ZNF839: variants seen among roughly 807,000 people sequenced by gnomAD.
ZNF839 encodes zinc finger protein 839, also known as renal carcinoma antigen NY-REN-50.
In ZNF839, 38 loss-of-function variants were observed where a neutral mutation model predicts 56.4. The ratio of observed to expected loss-of-function variants is 0.67; its 90% CI spans 0.52 to 0.88. ZNF839 has a LOEUF of 0.88. ZNF839 is among the 40% of genes least tolerant of loss of function. The pLI is 0.00. For missense variants in ZNF839, 1,091 were observed against 1,177.6 expected (o/e 0.93, Z 1.08); for synonymous variants, 486 against 493.5 (o/e 0.98, Z 0.20).
At chr14:102,322,523 G>A (rs2073184622) in intron 1 of ZNF839, among the ~76,000 whole-genome samples, 1 of 152,192 alleles carries the variant, frequency 6.6e-6, no homozygotes, top group African/African-American at 2.4e-5. Context: ...TTGCCGCTGT[G>A]GTTATCCTCA....
chr14:102,328,375 A>AAAAAAAT (rs1197718891), intron 2 of ZNF839, among the ~76,000 whole-genome samples: 2 of 16,326 alleles, frequency 1.2e-4, no homozygotes, highest in Non-Finnish European at 2.7e-4. Flanking sequence ...AAAAAAAAAA[A>AAAAAAAT]ATATATATAT....
chr14:102,335,356 C>T, intron 4 of ZNF839: 4 of 238,686 alleles, frequency 1.7e-5, no homozygotes, highest in Non-Finnish European at 3.2e-5. Flanking sequence ...GCCCAGGCTG[C>T]CTGTGCCCCA....
intron 2 of ZNF839, among the ~76,000 whole-genome samples, chr14:102,327,139 C>T (rs1413043473): frequency 6.6e-6 from 1 of 151,772 alleles, no homozygotes; most frequent in African/African-American, 2.4e-5. Context: ...GGAGGTACCA[C>T]ACACTCATTT....
intron 4 of ZNF839, 196 bp from the exon 5 acceptor site, chr14:102,335,493 C>T (rs1181479593): frequency 3.5e-6 from 2 of 564,358 alleles, no homozygotes; most frequent in East Asian, 6.3e-5. Flanking sequence ...TCTTGGCCTG[C>T]TCCTCCCATG....
intron 1 of ZNF839, among the ~76,000 whole-genome samples, chr14:102,321,284 C>T (rs940332566): frequency 6.6e-6 from 1 of 152,210 alleles, no homozygotes; most frequent in East Asian, 1.9e-4. Flanking sequence ...TGTTTTTGTA[C>T]CGGCATTTTG....
At position 102,341,982 on chromosome 14, in the gene ZNF839, G is replaced by T. The variant is rs746898107; in HGVS notation, c.2587G>T (p.Val863Leu). The stretch of plus-strand genomic sequence containing the variant: ...CTCTGGCCAGAGAGAACTGGAGAGC[G>T]TGGTTGCTGTCGGCGAAGCCATGGC... ...VHSGQRELES[V>L]VAVGEAMAFE... The change falls in exon 8 of 8, where the codon GTG becomes TTG. Residue 863 changes from valine (V) to leucine (L), a missense_variant. By Grantham distance (32) the Val-to-Leu change is conservative. Coordinates refer to ENST00000442396, the MANE Select transcript of ZNF839 (RefSeq NM_018335.6). 2 of 1,614,038 alleles carry T rather than the reference G, an allele frequency of 1.2e-6. No homozygotes were observed. Among genetic ancestry groups the T allele is most frequent in the Non-Finnish European group, 1.7e-6 (2 of 1,179,882 alleles).
Position 102,334,546 on chromosome 14 carries a change from C to T in ZNF839, c.1417-8C>T, listed in dbSNP as rs1048796042. On this transcript the variant is annotated splice_region_variant and splice_polypyrimidine_tract_variant and intron_variant, in intron 3 of 7. Transcript: ENST00000442396. ...CATTCAAAGGCATGAAATGCTTTCC[C>T]TTGGTAGTTCCTCCAGCAGTGTGAC... 3.1e-6 allele frequency: 5 copies of T among 1,603,892 alleles called. No individual in the cohort carries two copies. In the African/African-American group the frequency reaches 5.3e-5, roughly 17 times the overall value.
chr14:102,321,461 CTT>C lies in ZNF839; in HGVS notation c.288+1409_288+1410del, dbSNP rs549125607. On this transcript the variant is annotated intron_variant, in intron 1 of 7. Transcript: ENST00000442396. The stretch of plus-strand genomic sequence containing the variant: ...ATATTTTTCGTAAAGCAAAAGCAAA[CTT>C]ATTCGAGCTTAGGCAGCATGATGGG... 2.1e-3 allele frequency among the ~76,000 whole-genome samples: 327 copies of C among 152,308 alleles called. 2 individuals carry two copies. The highest frequency in any genetic ancestry group is 3.5e-4 in the Non-Finnish European group (24 of 68,028).
intron 3 of ZNF839, among the ~76,000 whole-genome samples, chr14:102,333,261 C>CTTTT (rs58231229): frequency 8.0e-6 from 1 of 125,346 alleles, no homozygotes. Flanking sequence ...AAATGCCAAT[C>CTTTT]TTTTTTTTTT....
intron 3 of ZNF839, among the ~76,000 whole-genome samples, chr14:102,333,815 A>C (rs1171507138): frequency 6.6e-6 from 1 of 151,930 alleles, no homozygotes; most frequent in Non-Finnish European, 1.5e-5. Context: ...AGCAGAGCCC[A>C]CAAGCTGGCT....
At chr14:102,322,592 T>C (rs1488413528) in intron 1 of ZNF839, among the ~76,000 whole-genome samples, 2 of 152,192 alleles carry the variant, frequency 1.3e-5, no homozygotes, top group Non-Finnish European at 2.9e-5. Context: ...GGGGTTTTGT[T>C]GAGACAGGGT....
Position 102,338,799 on chromosome 14 carries a change from G to A in ZNF839, c.1660-17G>A, listed in dbSNP as rs1336923789. 7 of 1,612,236 alleles carry A rather than the reference G, an allele frequency of 4.3e-6. No homozygotes were observed. Among genetic ancestry groups the A allele is most frequent in the Non-Finnish European group, 5.9e-6 (7 of 1,179,024 alleles). On this transcript the variant is annotated splice_polypyrimidine_tract_variant and intron_variant, in intron 5 of 7. Coordinates refer to ENST00000442396, the MANE Select transcript of ZNF839 (RefSeq NM_018335.6). ...CTGTTTGGGTGAAGTTTATTCTCTT[G>A]GCCCATTTCTTTTCAGGTTGCTGAG... is the stretch of plus-strand genomic sequence containing the variant.
At chr14:102,338,542 A>G (rs1213018326) in intron 5 of ZNF839, among the ~76,000 whole-genome samples, 2 of 147,616 alleles carry the variant, frequency 1.4e-5, no homozygotes, top group African/African-American at 2.6e-5. Context: ...TGTCTCAGAA[A>G]AAAAAAAAAA....
intron 3 of ZNF839, 141 bp from the exon 4 acceptor site, chr14:102,334,413 A>G (rs1428674537): frequency 4.7e-6 from 3 of 637,278 alleles, no homozygotes; most frequent in Admixed American, 2.4e-5. Flanking sequence ...AATAGTTAAT[A>G]AAGCAGAATG....
intron 1 of ZNF839, among the ~76,000 whole-genome samples, chr14:102,320,273 C>T (rs1287061211): frequency 6.6e-6 from 1 of 152,236 alleles, no homozygotes; most frequent in East Asian, 1.9e-4. Context: ...TCACGCTGGG[C>T]CCTGTGCCTG....
At chr14:102,339,334 T>A in intron 7 of ZNF839, 111 bp downstream of exon 7, 1 of 1,391,938 alleles carries the variant, frequency 7.2e-7, no homozygotes, top group Non-Finnish European at 9.6e-7. Context: ...TGTGCTGGAT[T>A]TAAGGGGACC....
At position 102,319,760 on chromosome 14, in the gene ZNF839, GC is replaced by G. The variant is rs1219750505; in HGVS notation, c.-4del. On this transcript the variant is annotated 5_prime_UTR_variant, in exon 1 of 8. Coordinates refer to ENST00000442396, the MANE Select transcript of ZNF839 (RefSeq NM_018335.6). This position sits in a 1 kb window ranked among gnomAD's most constrained non-coding sequence, Gnocchi z 4.5. The stretch of plus-strand genomic sequence containing the variant: ...GACCCGGGTTCGAGTCCCCGCCTCG[GC>G]CGCCATGGCGGATGCGGAGCCGGAG... 1.6e-6 allele frequency: 2 copies of G among 1,229,518 alleles called. No individual in the cohort carries two copies. The highest frequency in any genetic ancestry group is 2.0e-6 in the Non-Finnish European group (2 of 986,234). The allele number at this position is 1,229,518 out of a possible 1,614,324, so 76.2% of individuals were successfully genotyped here.
chr14:102,324,836 G>A (rs1249257209), intron 1 of ZNF839, among the ~76,000 whole-genome samples: 2 of 151,712 alleles, frequency 1.3e-5, no homozygotes. Flanking sequence ...TGTAATCCCA[G>A]ATACTTGGGA....
chr14:102,336,760 GT>G, intron 5 of ZNF839: 1 of 319,876 alleles, frequency 3.1e-6, no homozygotes, highest in South Asian at 2.6e-5. Flanking sequence ...TTGAAACAGG[GT>G]TTCCCTCTGT....
Sources: gnomAD v4.1 joint callset for allele counts (sites outside exome capture counted in the v4.1 genomes callset) on GRCh38, gnomAD v4.1.1 for gene constraint, Gnocchi (gnomAD v3.1) non-coding constraint, MANE v1.5 for transcripts, NCBI Gene and HGNC (gene_info 2026-07-23, HGNC 2026-07-21) for gene names.